The following DIAPH2 variants were observed in gnomAD, a reference collection of about 807,000 sequenced individuals.
The protein encoded by DIAPH2 is protein diaphanous homolog 2.
Under a neutral mutation model 92.7 loss-of-function variants are expected in DIAPH2, and 35 were observed. The ratio of observed to expected loss-of-function variants is 0.38; its 90% CI spans 0.29 to 0.50. DIAPH2 has a LOEUF of 0.50. Ranked by LOEUF, DIAPH2 falls within the 20% of genes least tolerant of loss-of-function variation. DIAPH2 has a pLI of 0.94. For synonymous variants in DIAPH2, 301 were observed against 280.4 expected (o/e 1.07, Z -0.73); for missense variants, 701 against 819.5 (o/e 0.86, Z 1.77).
chrX:96,779,479 A>T (rs1280767952), intron 4 of DIAPH2, among the ~76,000 whole-genome samples: 1 of 112,230 alleles, frequency 8.9e-6, no homozygotes, highest in Non-Finnish European at 1.9e-5. Flanking sequence ...GAAATGTCTG[A>T]TGTGATACAT....
rs1299884054 is a variant in DIAPH2 at position 97,157,316 on chromosome X, A to AAAT, written c.2719+15539_2719+15541dup. ...GCAACAAGAGCGAAACTCCATCTCAAAATAATAATAATAATAATATAATAA... is the reference window on the plus strand; with the variant it reads ...GCAACAAGAGCGAAACTCCATCTCAAAATAATAATAATAATAATAATATAATAA... On this transcript the variant is annotated intron_variant, in intron 22 of 26. Coordinates refer to ENST00000324765, the MANE Select transcript of DIAPH2 (RefSeq NM_006729.5). Among the ~76,000 whole-genome samples the AAAT allele has an allele frequency of 1.2e-3, 107 of 89,943 alleles. 1 individual carries two copies. The highest frequency in any genetic ancestry group is 3.2e-3 in the African/African-American group (91 of 28,246). The allele number at this position is 89,943 out of a possible 115,157, so 78.1% of individuals were successfully genotyped here. A position where few individuals can be genotyped will look rare whatever the true frequency, so the allele number is the denominator to read the frequency against.
intron 26 of DIAPH2, among the ~76,000 whole-genome samples, chrX:97,484,373 C>G (rs772659117): frequency 8.9e-6 from 1 of 111,818 alleles, no homozygotes; most frequent in South Asian, 3.7e-4. Context: ...CAATGCCTAC[C>G]TAATAGGGTT....
At chrX:97,567,249 T>A (rs185547787) in intron 26 of DIAPH2, among the ~76,000 whole-genome samples, 72 of 112,186 alleles carry the variant, frequency 6.4e-4, no homozygotes, top group African/African-American at 2.3e-3. Context: ...AAAGAATAAA[T>A]CTTTTCCTTA....
rs1236687237 is a variant in DIAPH2, at chrX:97,245,324, A to ATTTC, written c.2720-2388_2720-2387insCTTT. On this transcript the variant is annotated intron_variant, in intron 22 of 26. Coordinates refer to ENST00000324765, the MANE Select transcript of DIAPH2 (RefSeq NM_006729.5). Reference sequence around the variant, plus strand: ...AGCTTGCTTATTTATTTATTTATTTATTTATTTAAGGCAGGGTCTCACTCT... The same window carrying ATTTC: ...AGCTTGCTTATTTATTTATTTATTTATTTCTTTATTTAAGGCAGGGTCTCACTCT... Among the ~76,000 whole-genome samples the ATTTC allele has an allele frequency of 6.4e-5, 7 of 109,025 alleles. No individual in the cohort carries two copies. The Admixed American group carries it at 7.0e-4, about 11-fold the overall frequency. 94.7% of individuals were successfully genotyped at this position (109,025 alleles called of 115,157 possible).
At chrX:97,551,835 G>C in intron 26 of DIAPH2, among the ~76,000 whole-genome samples, 1 of 110,688 alleles carries the variant, frequency 9.0e-6, no homozygotes, top group Admixed American at 9.7e-5. Context: ...ATCTCTTTTT[G>C]CCTTCTCCTT....
At chrX:97,458,019 A>G (rs1466834247) in intron 26 of DIAPH2, among the ~76,000 whole-genome samples, 1 of 111,891 alleles carries the variant, frequency 8.9e-6, no homozygotes, top group Non-Finnish European at 1.9e-5. Context: ...CTTCCCCAAG[A>G]GTGAGTGATC....
intron 22 of DIAPH2, among the ~76,000 whole-genome samples, chrX:97,246,500 A>G (rs1012065506): frequency 8.9e-6 from 1 of 112,088 alleles, no homozygotes; most frequent in Non-Finnish European, 1.9e-5. Flanking sequence ...ATAGAAAAAA[A>G]ATAGTCTTTA....
intron 25 of DIAPH2, among the ~76,000 whole-genome samples, chrX:97,393,014 G>C (rs1431893805): frequency 9.0e-6 from 1 of 111,330 alleles, no homozygotes. Context: ...TTCCAAGTCA[G>C]GCAGGGGAGT....
Position 97,078,261 on chromosome X carries a change from T to C in DIAPH2, c.2247+3000T>C, listed in dbSNP as rs371309589. The stretch of plus-strand genomic sequence containing the variant: ...TAAGGAATATGTGAAAAAAAGATGA[T>C]CAACATAAAAGATAGTGTATTATTA... On this transcript the variant is annotated intron_variant, in intron 19 of 26. Transcript: ENST00000324765. 6.3e-5 allele frequency among the ~76,000 whole-genome samples: 7 copies of C among 111,546 alleles called. No individual in the cohort carries two copies. In the South Asian group the frequency reaches 1.9e-3, roughly 30 times the overall value.
At chrX:96,702,520 A>G (rs2063861382) in intron 1 of DIAPH2, among the ~76,000 whole-genome samples, 2 of 112,274 alleles carry the variant, frequency 1.8e-5, no homozygotes, top group Admixed American at 9.4e-5. Flanking sequence ...GTTAATTCCA[A>G]ATGAAGTATT....
At chrX:97,565,496 G>A (rs775285262) in intron 26 of DIAPH2, among the ~76,000 whole-genome samples, 152 of 112,008 alleles carry the variant, frequency 1.4e-3, no homozygotes, top group Non-Finnish European at 2.2e-3. Context: ...CTTTAAAAAA[G>A]TTTTATGACC....
intron 4 of DIAPH2, among the ~76,000 whole-genome samples, chrX:96,761,472 T>G (rs2064268395): frequency 9.1e-6 from 1 of 110,360 alleles, no homozygotes; most frequent in African/African-American, 3.3e-5. Flanking sequence ...TGTATGTGTA[T>G]ACATGTATTA....
intron 8 of DIAPH2, 63 bp from the exon 9 acceptor site, chrX:96,918,446 C>T (rs1272966956): frequency 1.2e-5 from 8 of 678,414 alleles, no homozygotes; most frequent in South Asian, 3.0e-5. Context: ...CTGAAAGGAC[C>T]GGTGCTCATA....
At position 96,975,596 on chromosome X, in the gene DIAPH2, A is replaced by G. The variant is rs1486295396; in HGVS notation, c.2050+10389A>G. On this transcript the variant is annotated intron_variant, in intron 17 of 26. Transcript: ENST00000324765. ...AGCAAACTAAAAACCATACTTAACTATCTTAGTGTGTTTGGGCTGCTATCA... is the reference window on the plus strand; with the variant it reads ...AGCAAACTAAAAACCATACTTAACTGTCTTAGTGTGTTTGGGCTGCTATCA... 3.6e-5 allele frequency among the ~76,000 whole-genome samples: 4 copies of G among 112,162 alleles called. No individual in the cohort carries two copies. The East Asian group carries it at 1.1e-3, about 31-fold the overall frequency.
At chrX:97,075,829 A>T (rs1438336709) in intron 19 of DIAPH2, among the ~76,000 whole-genome samples, 1 of 112,010 alleles carries the variant, frequency 8.9e-6, no homozygotes, top group Admixed American at 9.5e-5. Context: ...ACAAATAAGG[A>T]AACTGAGGTT....
At chrX:96,710,779 T>C (rs2063913031) in intron 1 of DIAPH2, among the ~76,000 whole-genome samples, 1 of 111,044 alleles carries the variant, frequency 9.0e-6, no homozygotes. Context: ...TAGTGGTGAT[T>C]TCTGAGATTT....
At chrX:97,579,747 A>G (rs1281759969) in intron 26 of DIAPH2, among the ~76,000 whole-genome samples, 2 of 110,088 alleles carry the variant, frequency 1.8e-5, no homozygotes, top group African/African-American at 6.7e-5. Context: ...GAATCTGTAA[A>G]TTACCTTGGG....
At chrX:96,756,767 G>A (rs910523118) in intron 3 of DIAPH2, among the ~76,000 whole-genome samples, 15 of 110,645 alleles carry the variant, frequency 1.4e-4, no homozygotes, top group Non-Finnish European at 2.8e-4. Flanking sequence ...TTTTCAATTC[G>A]TTGCCAACAT....
chrX:96,799,688 G>T (rs770776924), intron 4 of DIAPH2, among the ~76,000 whole-genome samples: 18 of 110,066 alleles, frequency 1.6e-4, no homozygotes, highest in African/African-American at 5.6e-4. Flanking sequence ...CGTGCCTGTA[G>T]ACCCAGCTAC....
Sources: gnomAD v4.1 joint callset for allele counts (sites outside exome capture counted in the v4.1 genomes callset) on GRCh38, gnomAD v4.1.1 for gene constraint, MANE v1.5 for transcripts, NCBI Gene and HGNC (gene_info 2026-07-23, HGNC 2026-07-21) for gene names.